Variants in NPAS3 observed in about 807,000 individuals in gnomAD.
NPAS3 encodes neuronal PAS domain-containing protein 3.
In NPAS3, 14 loss-of-function variants were observed where a neutral mutation model predicts 73.1. The observed-to-expected ratio is 0.19, with a 90% CI of 0.13 to 0.30. The LOEUF (loss-of-function observed/expected upper bound fraction) is 0.30, where lower values mean the gene tolerates loss of function less well. NPAS3 is among the 10% of genes least tolerant of loss of function. NPAS3 has a pLI of 1.00. For synonymous variants in NPAS3, 620 were observed against 541.5 expected, an observed-to-expected ratio of 1.14 and a Z score of -2.01; for missense variants, 1,096 against 1,250.0, an observed-to-expected ratio of 0.88 and a Z score of 1.86.
At chr14:33,738,145 G>A (rs532086232) in intron 7 of NPAS3, among the ~76,000 whole-genome samples, 1 of 152,226 alleles carries the variant, frequency 6.6e-6, no homozygotes, top group East Asian at 1.9e-4. Context: ...CCTCCTCTAT[G>A]CCAGGCATGG....
At chr14:33,428,713 A>G (rs1190523429) in intron 4 of NPAS3, among the ~76,000 whole-genome samples, 2 of 152,190 alleles carry the variant, frequency 1.3e-5, no homozygotes, top group African/African-American at 4.8e-5. Context: ...GATCATTTGT[A>G]AACATAAACT....
chr14:33,643,277 T>C (rs2058724594), intron 5 of NPAS3, among the ~76,000 whole-genome samples: 1 of 150,918 alleles, frequency 6.6e-6, no homozygotes. Context: ...TAAATATTTA[T>C]GCATGTCTAG....
chr14:33,483,112 G>C (rs547656956), intron 4 of NPAS3, among the ~76,000 whole-genome samples: 1 of 152,266 alleles, frequency 6.6e-6, no homozygotes, highest in South Asian at 2.1e-4. Flanking sequence ...CTTTAATGTG[G>C]TAACAATGAA....
intron 1 of NPAS3, among the ~76,000 whole-genome samples, chr14:33,050,520 A>G (rs1263787947): frequency 6.6e-6 from 1 of 152,170 alleles, no homozygotes; most frequent in Non-Finnish European, 1.5e-5. Context: ...CATACCTTCT[A>G]AAGGGGAGGG....
intron 4 of NPAS3, among the ~76,000 whole-genome samples, chr14:33,548,985 C>T (rs150210121): frequency 1.3e-5 from 2 of 152,308 alleles, no homozygotes; most frequent in African/African-American, 4.8e-5. Context: ...ACAAATGTTT[C>T]ATCCCCAGTT....
intron 3 of NPAS3, among the ~76,000 whole-genome samples, chr14:33,244,643 A>T (rs1566717507): frequency 1.3e-5 from 2 of 152,204 alleles, no homozygotes; most frequent in African/African-American, 4.8e-5. Flanking sequence ...GCTAAACATG[A>T]GGCTAAATGG....
rs61262665 is a variant in NPAS3 at position 32,959,976 on chromosome 14, A to AT, written c.50+20630dup. ...CTAATGATGTTTTATGTGAGTTTCA[A>AT]TTTTTTTTTTTTTTTTTTTTGGTGA... On this transcript the variant is annotated intron_variant, in intron 1 of 11. Transcript: ENST00000356141. 2.6e-3 allele frequency among the ~76,000 whole-genome samples: 336 copies of AT among 131,318 alleles called. 1 individual carries two copies. Among genetic ancestry groups the AT allele is most frequent in the East Asian group, 0.01 (45 of 4,430 alleles). The allele number at this position is 131,318 out of a possible 152,430, so 86.1% of individuals were successfully genotyped here.
intron 9 of NPAS3, among the ~76,000 whole-genome samples, chr14:33,789,733 C>A (rs1228373931): frequency 6.8e-6 from 1 of 146,770 alleles, no homozygotes; most frequent in Non-Finnish European, 1.5e-5. Context: ...GGACTACAGG[C>A]GCCCGCCACC....
chr14:33,113,832 G>A (rs1229829981), intron 2 of NPAS3, among the ~76,000 whole-genome samples: 1 of 152,084 alleles, frequency 6.6e-6, no homozygotes, highest in Non-Finnish European at 1.5e-5. Flanking sequence ...ATTATTTTGA[G>A]ATACGTCCCA....
intron 3 of NPAS3, among the ~76,000 whole-genome samples, chr14:33,310,342 C>A (rs148510367): frequency 1.9e-4 from 29 of 152,072 alleles, no homozygotes; most frequent in Middle Eastern, 6.8e-3. Flanking sequence ...ACTGTTTATC[C>A]TTGGTGCCAA....
chr14:33,198,627 A>T lies in NPAS3; in HGVS notation c.141-16555A>T, dbSNP rs2046477181. On this transcript the variant is annotated intron_variant, in intron 2 of 11. Transcript: ENST00000356141. The stretch of plus-strand genomic sequence containing the variant: ...GGTGTATTTATACTCCTTTGGCTAG[A>T]CATAAAAGTTCTCCAAGTCCCCACA... 2.6e-5 allele frequency among the ~76,000 whole-genome samples: 4 copies of T among 152,224 alleles called. 1 individual carries two copies. The South Asian group carries it at 8.3e-4, about 31-fold the overall frequency.
At chr14:33,149,544 T>C (rs2044370361) in intron 2 of NPAS3, among the ~76,000 whole-genome samples, 1 of 152,210 alleles carries the variant, frequency 6.6e-6, no homozygotes, top group African/African-American at 2.4e-5. Flanking sequence ...GTGGTATTTT[T>C]CCTTTGGTCT....
chr14:33,069,854 G>T (rs1156438271), intron 2 of NPAS3, among the ~76,000 whole-genome samples: 5 of 152,180 alleles, frequency 3.3e-5, no homozygotes, highest in Non-Finnish European at 7.3e-5. Context: ...CCTGGTTAAT[G>T]AATGTGAATA....
At chr14:33,296,402 T>A (rs950896298) in intron 3 of NPAS3, among the ~76,000 whole-genome samples, 3 of 152,228 alleles carry the variant, frequency 2.0e-5, no homozygotes, top group Non-Finnish European at 4.4e-5. Context: ...GGTTATAGTT[T>A]TCTTTTGTAA....
chr14:33,603,656 A>G (rs553320944), intron 5 of NPAS3, among the ~76,000 whole-genome samples: 2 of 152,316 alleles, frequency 1.3e-5, no homozygotes, highest in African/African-American at 4.8e-5. Flanking sequence ...ATATATTGAA[A>G]ACACTGAAAG....
Position 33,349,013 on chromosome 14 carries a change from G to T in NPAS3, c.386-18173G>T, listed in dbSNP as rs551674513. ...CCGTGAGCCCTTCCAACCACGAGTG[G>T]GCATCCATCAGAAACTGGAGGAACC... On this transcript the variant is annotated intron_variant, in intron 3 of 11. Transcript: ENST00000356141. Among the ~76,000 whole-genome samples the T allele has an allele frequency of 4.6e-5, 7 of 152,150 alleles. 1 individual carries two copies. The highest frequency in any genetic ancestry group is 1.7e-4 in the African/African-American group (7 of 41,504).
intron 4 of NPAS3, among the ~76,000 whole-genome samples, chr14:33,373,957 G>A (rs1186893616): frequency 1.3e-5 from 2 of 152,122 alleles, no homozygotes; most frequent in East Asian, 1.9e-4. Flanking sequence ...ATAAGTGGGG[G>A]AATGATTGTT....
chr14:33,557,376 C>T (rs2055408137), intron 4 of NPAS3, among the ~76,000 whole-genome samples: 1 of 152,174 alleles, frequency 6.6e-6, no homozygotes, highest in Admixed American at 6.5e-5. Flanking sequence ...ATCCTACTTC[C>T]CCTCTGTCTT....
chr14:33,644,918 T>TA (rs1234366077), intron 5 of NPAS3, among the ~76,000 whole-genome samples: 13 of 151,992 alleles, frequency 8.6e-5, no homozygotes, highest in Admixed American at 6.6e-4. Context: ...TCGTCTTTAC[T>TA]AAAAATACAA....
Sources: allele counts gnomAD v4.1 joint callset (sites outside exome capture counted in the v4.1 genomes callset), GRCh38; gene constraint gnomAD v4.1.1; transcripts MANE v1.5; gene names NCBI Gene and HGNC (gene_info 2026-07-23, HGNC 2026-07-21).